WDFY3: variants seen among roughly 807,000 people sequenced by gnomAD.
The protein encoded by WDFY3 is WD repeat and FYVE domain containing 3, also known as WD repeat and FYVE domain-containing protein 3.
Under a neutral mutation model 409.6 loss-of-function variants are expected in WDFY3, and 66 were observed. The observed-to-expected ratio is 0.16, with a 90% CI of 0.13 to 0.20. The LOEUF is 0.20. Ranked by LOEUF, WDFY3 falls within the 10% of genes least tolerant of loss-of-function variation. The pLI is 1.00. For synonymous variants in WDFY3, 1,521 were observed against 1,537.1 expected, an observed-to-expected ratio of 0.99 and a Z score of 0.25; for missense variants, 3,031 against 4,298.1, an observed-to-expected ratio of 0.71 and a Z score of 8.24.
intron 1 of WDFY3, among the ~76,000 whole-genome samples, chr4:84,951,850 G>T (rs183072849): frequency 1.4e-3 from 211 of 152,322 alleles, no homozygotes; most frequent in Middle Eastern, 6.8e-3. Context: ...AGGGTAGGAA[G>T]AAGAAAGGCT....
rs763172199 is a variant in WDFY3, at chr4:84,786,057, T to C, written c.3984A>G (p.Ala1328=). The change falls in exon 24 of 68, where the codon GCA becomes GCG. Residue 1328 remains alanine, a synonymous_variant. Transcript: ENST00000295888. ...CCACTGTTAGAGACGACACAGAGAG[T>C]GCATAGAGGCCAAATGACACTTTCT... ...PEEKVSFGLY[A]LSVSSLTVAR... 1.2e-6 allele frequency: 2 copies of C among 1,613,806 alleles called. No homozygotes were observed. Among genetic ancestry groups the C allele is most frequent in the Non-Finnish European group, 1.7e-6 (2 of 1,179,916 alleles).
rs544936375 is a variant in WDFY3, at chr4:84,704,992, G to C, written c.8335+402C>G. Reference sequence around the variant, plus strand: ...ATAATAAATAACAAGTAAACTATAAGGTTTTAGAGTATAGTAATTTTTTTT... The same window carrying C: ...ATAATAAATAACAAGTAAACTATAACGTTTTAGAGTATAGTAATTTTTTTT... On this transcript the variant is annotated intron_variant, in intron 54 of 67. Coordinates refer to ENST00000295888, the MANE Select transcript of WDFY3 (RefSeq NM_014991.6). Among the ~76,000 whole-genome samples, 6 of 152,150 alleles carry C rather than the reference G, an allele frequency of 3.9e-5. No homozygotes were observed. The East Asian group carries it at 1.2e-3, about 29-fold the overall frequency.
intron 63 of WDFY3, 109 bp from the exon 64 acceptor site, chr4:84,682,579 C>T: frequency 1.1e-6 from 1 of 881,562 alleles, no homozygotes; most frequent in Non-Finnish European, 1.8e-6. Flanking sequence ...ACTTAATTTC[C>T]ATCATGTTAT....
intron 2 of WDFY3, among the ~76,000 whole-genome samples, chr4:84,902,043 G>C (rs898550859): frequency 2.0e-5 from 3 of 152,122 alleles, no homozygotes; most frequent in Non-Finnish European, 2.9e-5. Flanking sequence ...TATCACAGTT[G>C]TCAGCCCTTT....
At chr4:84,923,212 T>G (rs1216869561) in intron 2 of WDFY3, among the ~76,000 whole-genome samples, 1 of 152,168 alleles carries the variant, frequency 6.6e-6, no homozygotes, top group Non-Finnish European at 1.5e-5. Flanking sequence ...TTCTTAAAAG[T>G]AGGAGATGAA....
chr4:84,839,635 A>G (rs1307814059), intron 6 of WDFY3, among the ~76,000 whole-genome samples: 1 of 152,090 alleles, frequency 6.6e-6, no homozygotes, highest in East Asian at 1.9e-4. Context: ...AGGCAGGTGG[A>G]TCACCTGAGG....
chr4:84,672,628 C>T lies in WDFY3; in HGVS notation c.*240G>A, dbSNP rs994291450. On this transcript the variant is annotated 3_prime_UTR_variant, in exon 68 of 68. Transcript: ENST00000295888. ...ACTGTCATCAGGGAGAACTGGAGGT[C>T]GAAAGTGTTGCTCCTAGGAACCACC... 2.1e-5 allele frequency: 7 copies of T among 326,620 alleles called. No homozygotes were observed. The highest frequency in any genetic ancestry group is 4.7e-5 in the Admixed American group (1 of 21,360). The allele number at this position is 326,620 out of a possible 1,614,324, so 20.2% of individuals were successfully genotyped here. A position where few individuals can be genotyped will look rare whatever the true frequency, so the allele number is the denominator to read the frequency against.
chr4:84,880,943 G>A (rs1466670944), intron 3 of WDFY3, among the ~76,000 whole-genome samples: 2 of 151,128 alleles, frequency 1.3e-5, no homozygotes, highest in African/African-American at 4.9e-5. Context: ...GGCTGGTCTT[G>A]AACTCCTGAC....
At chr4:84,952,603 A>G (rs1198176433) in intron 1 of WDFY3, among the ~76,000 whole-genome samples, 1 of 152,166 alleles carries the variant, frequency 6.6e-6, no homozygotes, top group Non-Finnish European at 1.5e-5. Context: ...TATTCTTTAA[A>G]GCCTGCCACT....
At chr4:84,770,817 T>C (rs1744551979) in intron 30 of WDFY3, among the ~76,000 whole-genome samples, 1 of 152,222 alleles carries the variant, frequency 6.6e-6, no homozygotes, top group Non-Finnish European at 1.5e-5. Flanking sequence ...ATTTAACTTT[T>C]ATGTCTCCTT....
chr4:84,957,195 T>A (rs764689054), intron 1 of WDFY3, among the ~76,000 whole-genome samples: 1 of 151,120 alleles, frequency 6.6e-6, no homozygotes, highest in Non-Finnish European at 1.5e-5. Context: ...TACAGTTTAG[T>A]TGGTCAAAAT....
At chr4:84,953,901 A>C (rs1448779334) in intron 1 of WDFY3, among the ~76,000 whole-genome samples, 3 of 152,132 alleles carry the variant, frequency 2.0e-5, no homozygotes, top group Non-Finnish European at 2.9e-5. Flanking sequence ...GGGTTCTCTT[A>C]ATCAGTTCAA....
At chr4:84,772,089 G>T (rs1744775334) in intron 30 of WDFY3, among the ~76,000 whole-genome samples, 1 of 152,260 alleles carries the variant, frequency 6.6e-6, no homozygotes, top group Non-Finnish European at 1.5e-5. Flanking sequence ...GGTAGATGGG[G>T]TTGTATGGAC....
Position 84,684,132 on chromosome 4 carries a change from A to C in WDFY3, c.9544-7T>G, listed in dbSNP as rs1240637312. ...CGCAGGACACAATGTCCCCCTGAGAAGAGAGAGAAAAACGTCATTCTCTTT... is the reference window on the plus strand; with the variant it reads ...CGCAGGACACAATGTCCCCCTGAGACGAGAGAGAAAAACGTCATTCTCTTT... On this transcript the variant is annotated splice_polypyrimidine_tract_variant and splice_region_variant and intron_variant, in intron 62 of 67. Coordinates refer to ENST00000295888, the MANE Select transcript of WDFY3 (RefSeq NM_014991.6). The C allele has an allele frequency of 2.0e-6, 3 of 1,537,982 alleles. No homozygotes were observed. The South Asian group carries it at 3.6e-5, about 19-fold the overall frequency.
chr4:84,957,524 A>G (rs1366017598), intron 1 of WDFY3, among the ~76,000 whole-genome samples: 1 of 152,204 alleles, frequency 6.6e-6, no homozygotes, highest in Admixed American at 6.5e-5. Context: ...TGAAGGTTCA[A>G]AGACGTGAAG....
intron 66 of WDFY3, among the ~76,000 whole-genome samples, 174 bp from the exon 67 acceptor site, chr4:84,677,570 G>A (rs1307785923): frequency 6.6e-6 from 1 of 152,148 alleles, no homozygotes; most frequent in Admixed American, 6.6e-5. Flanking sequence ...ACTGAACCGA[G>A]CCCAAATTTA....
chr4:84,881,331 A>C (rs1763505945), intron 3 of WDFY3, among the ~76,000 whole-genome samples: 1 of 152,188 alleles, frequency 6.6e-6, no homozygotes. Context: ...GAATAAGAAA[A>C]AAAACTACCC....
chr4:84,772,572 A>G (rs967784418), intron 30 of WDFY3, among the ~76,000 whole-genome samples: 4 of 152,196 alleles, frequency 2.6e-5, no homozygotes, highest in African/African-American at 4.8e-5. Context: ...CTATTTAAAG[A>G]AACATTGCTA....
At position 84,886,650 on chromosome 4, in the gene WDFY3, G is replaced by A. The variant is rs139609548; in HGVS notation, c.-32+10261C>T. On this transcript the variant is annotated intron_variant, in intron 3 of 67. Transcript: ENST00000295888. The stretch of plus-strand genomic sequence containing the variant: ...ATATGTATTTGTAGGAATATTTAGA[G>A]AGGGAAGGAAGGAAGGGAGGAAGGG... Among the ~76,000 whole-genome samples the A allele has an allele frequency of 1.9e-3, 287 of 152,228 alleles. 2 individuals are homozygous for A. The highest frequency in any genetic ancestry group is 6.6e-3 in the African/African-American group (273 of 41,526).
Sources: allele counts gnomAD v4.1 joint callset (sites outside exome capture counted in the v4.1 genomes callset), GRCh38; gene constraint gnomAD v4.1.1; transcripts MANE v1.5; gene names NCBI Gene and HGNC (gene_info 2026-07-23, HGNC 2026-07-21).